The following NKAIN2 variants were observed in gnomAD, a reference collection of about 807,000 sequenced individuals.
NKAIN2 encodes sodium/potassium transporting ATPase interacting 2.
Under a neutral mutation model 32.6 loss-of-function variants are expected in NKAIN2, and 14 were observed. The observed-to-expected ratio is 0.43, with a 90% CI of 0.28 to 0.67. NKAIN2 has a LOEUF of 0.67. NKAIN2 is among the 30% of genes least tolerant of loss of function. NKAIN2 has a pLI of 0.17. For synonymous variants in NKAIN2, 80 were observed against 87.2 expected (o/e 0.92, Z 0.46); for missense variants, 198 against 258.3 (o/e 0.77, Z 1.60).
At chr6:124,527,927 G>C (rs544527197) in intron 3 of NKAIN2, among the ~76,000 whole-genome samples, 1 of 152,272 alleles carries the variant, frequency 6.6e-6, no homozygotes, top group African/African-American at 2.4e-5. Context: ...AATTACTTTG[G>C]TATACTTGGC....
At chr6:124,696,769 T>TA (rs1774518863) in intron 4 of NKAIN2, among the ~76,000 whole-genome samples, 1 of 69,996 alleles carries the variant, frequency 1.4e-5, no homozygotes, top group Admixed American at 1.3e-4. Flanking sequence ...AAAGGATCTA[T>TA]TTTTTTTTTT....
At chr6:123,930,523 T>C (rs767457241) in intron 1 of NKAIN2, among the ~76,000 whole-genome samples, 5 of 152,216 alleles carry the variant, frequency 3.3e-5, no homozygotes, top group Non-Finnish European at 5.9e-5. Context: ...TCCTGACAAC[T>C]AGTGAGATGA....
chr6:124,559,358 G>T (rs1247711054), intron 3 of NKAIN2, among the ~76,000 whole-genome samples: 1 of 152,118 alleles, frequency 6.6e-6, no homozygotes, highest in African/African-American at 2.4e-5. Flanking sequence ...AGTTTTGAGT[G>T]GACATACAAG....
intron 1 of NKAIN2, among the ~76,000 whole-genome samples, chr6:124,084,450 A>G (rs74412424): frequency 0.043 from 6,518 of 152,068 alleles, 463 homozygotes; most frequent in African/African-American, 0.15. Context: ...ATCTAGGTTC[A>G]TGTAAGTACA....
Position 124,726,338 on chromosome 6 carries a change from T to C in NKAIN2, c.475-65001T>C, listed in dbSNP as rs575028696. 1.7e-4 allele frequency among the ~76,000 whole-genome samples: 26 copies of C among 152,326 alleles called. 1 individual carries two copies. In the South Asian group the frequency reaches 4.8e-3, roughly 28 times the overall value. ...ACAGCTTTGAAGAGAGCAGTGGTTCTCCCAGCACACAGCTAGAGATCTGAG... is the reference window on the plus strand; with the variant it reads ...ACAGCTTTGAAGAGAGCAGTGGTTCCCCCAGCACACAGCTAGAGATCTGAG... On this transcript the variant is annotated intron_variant, in intron 4 of 6. Coordinates refer to ENST00000368417, the MANE Select transcript of NKAIN2 (RefSeq NM_001040214.3).
intron 1 of NKAIN2, among the ~76,000 whole-genome samples, chr6:124,034,766 AT>A (rs916939439): frequency 8.5e-5 from 13 of 152,076 alleles, no homozygotes; most frequent in Non-Finnish European, 1.5e-4. Context: ...TTTTTTTCAC[AT>A]CCTCACCAAC....
chr6:124,339,435 G>C (rs1798025360), intron 2 of NKAIN2, among the ~76,000 whole-genome samples: 1 of 152,184 alleles, frequency 6.6e-6, no homozygotes, highest in African/African-American at 2.4e-5. Flanking sequence ...GCAGAAATCA[G>C]AGAGACTTCA....
chr6:123,978,730 T>A (rs73557041), intron 1 of NKAIN2, among the ~76,000 whole-genome samples: 13,051 of 152,082 alleles, frequency 0.086, 1,840 homozygotes, highest in African/African-American at 0.29. Context: ...TATTAGACAC[T>A]CACATATATC....
chr6:124,234,028 T>C (rs947525022), intron 1 of NKAIN2, among the ~76,000 whole-genome samples: 1 of 152,152 alleles, frequency 6.6e-6, no homozygotes, highest in Non-Finnish European at 1.5e-5. Flanking sequence ...AAAATTATCC[T>C]GAAATTTAGT....
intron 1 of NKAIN2, among the ~76,000 whole-genome samples, chr6:124,271,307 C>T (rs964584002): frequency 6.6e-6 from 1 of 152,150 alleles, no homozygotes; most frequent in African/African-American, 2.4e-5. Flanking sequence ...AGCTCCACCT[C>T]CCGGGTTCAC....
chr6:124,713,670 G>A (rs1430080468), intron 4 of NKAIN2, among the ~76,000 whole-genome samples: 1 of 152,142 alleles, frequency 6.6e-6, no homozygotes, highest in East Asian at 1.9e-4. Context: ...CAAACTTAGG[G>A]TGTTAGGGTG....
chr6:124,668,844 G>C (rs1772950620), intron 4 of NKAIN2, among the ~76,000 whole-genome samples: 1 of 152,082 alleles, frequency 6.6e-6, no homozygotes, highest in Admixed American at 6.6e-5. Context: ...TAAAAATATA[G>C]TAAAGAAGTC....
intron 3 of NKAIN2, among the ~76,000 whole-genome samples, chr6:124,464,865 T>C (rs1364755567): frequency 2.0e-5 from 3 of 152,130 alleles, no homozygotes; most frequent in Non-Finnish European, 4.4e-5. Flanking sequence ...TTTGGTTCCA[T>C]ATGAAATTTA....
intron 3 of NKAIN2, among the ~76,000 whole-genome samples, chr6:124,538,544 C>T (rs1281621923): frequency 6.6e-6 from 1 of 152,020 alleles, no homozygotes; most frequent in Non-Finnish European, 1.5e-5. Flanking sequence ...ATGCAGCATT[C>T]ACCTAATGCT....
At position 123,994,992 on chromosome 6, in the gene NKAIN2, C is replaced by T. The variant is rs144335672; in HGVS notation, c.54+190738C>T. ...AAAATCAAACATAATGAAAGACTAA[C>T]TTGGTAAAGCAACGTTAAATTCTGA... is the stretch of plus-strand genomic sequence containing the variant. On this transcript the variant is annotated intron_variant, in intron 1 of 6. Transcript: ENST00000368417. Among the ~76,000 whole-genome samples, 805 of 152,230 alleles carry T rather than the reference C, an allele frequency of 5.3e-3. 5 individuals are homozygous for T. Among genetic ancestry groups the T allele is most frequent in the African/African-American group, 0.018 (762 of 41,546 alleles).
rs1229534049 is a variant in NKAIN2, at chr6:124,191,970, C to G, written c.55-91035C>G. ...TGGTATTCCAAAATTTCTTCTGATA[C>G]TGTAATTTTTGTTTTTACTTTTTTC... On this transcript the variant is annotated intron_variant, in intron 1 of 6. Transcript: ENST00000368417. 2.6e-5 allele frequency among the ~76,000 whole-genome samples: 4 copies of G among 151,774 alleles called. No homozygotes were observed. The East Asian group carries it at 5.8e-4, about 22-fold the overall frequency.
At chr6:124,196,220 C>T (rs1378127827) in intron 1 of NKAIN2, among the ~76,000 whole-genome samples, 5 of 151,950 alleles carry the variant, frequency 3.3e-5, no homozygotes, top group East Asian at 3.9e-4. Flanking sequence ...AATACTTATC[C>T]GGGTAACTAT....
intron 4 of NKAIN2, among the ~76,000 whole-genome samples, chr6:124,769,392 G>A (rs1316400088): frequency 2.6e-5 from 4 of 152,068 alleles, no homozygotes; most frequent in Non-Finnish European, 4.4e-5. Flanking sequence ...CACACATACT[G>A]TATGTGTTTT....
chr6:124,235,160 A>G (rs1222256136), intron 1 of NKAIN2, among the ~76,000 whole-genome samples: 1 of 152,168 alleles, frequency 6.6e-6, no homozygotes, highest in Non-Finnish European at 1.5e-5. Flanking sequence ...AGGTTTACAG[A>G]TCTTGAAGGT....
Sources: allele counts gnomAD v4.1 joint callset (sites outside exome capture counted in the v4.1 genomes callset), GRCh38; gene constraint gnomAD v4.1.1; transcripts MANE v1.5; gene names NCBI Gene and HGNC (gene_info 2026-07-23, HGNC 2026-07-21).